The following GRM7 variants were observed in gnomAD, a reference collection of about 807,000 sequenced individuals.
The protein encoded by GRM7 is glutamate metabotropic receptor 7, also known as metabotropic glutamate receptor 7.
In GRM7, 35 loss-of-function variants were observed where a neutral mutation model predicts 84.5. The observed-to-expected ratio is 0.41, with a 90% confidence interval of 0.32 to 0.55. The LOEUF (loss-of-function observed/expected upper bound fraction) is 0.55. GRM7 is among the 20% of genes least tolerant of loss of function. The pLI, the probability that GRM7 is intolerant of heterozygous loss-of-function variation, is 0.19. For synonymous variants in GRM7, 487 were observed against 455.1 expected (o/e 1.07, Z -0.89); for missense variants, 1,003 against 1,194.6 (o/e 0.84, Z 2.36).
chr3:7,449,995 A>G (rs1012364699), intron 5 of GRM7, among the ~76,000 whole-genome samples: 3 of 152,144 alleles, frequency 2.0e-5, no homozygotes, highest in Non-Finnish European at 4.4e-5. Flanking sequence ...TATTTGGAAA[A>G]AGATACCTAA....
chr3:7,074,353 C>T (rs1374784370), intron 1 of GRM7, among the ~76,000 whole-genome samples: 1 of 152,054 alleles, frequency 6.6e-6, no homozygotes, highest in Non-Finnish European at 1.5e-5. Context: ...ATGTGGCAAG[C>T]TTACCAACAG....
intron 7 of GRM7, among the ~76,000 whole-genome samples, chr3:7,488,437 G>C (rs1382337383): frequency 6.6e-6 from 1 of 152,162 alleles, no homozygotes; most frequent in Non-Finnish European, 1.5e-5. Context: ...AAAGACGTTT[G>C]AGTCATGAGG....
chr3:7,633,062 T>C (rs1030667866), intron 8 of GRM7, among the ~76,000 whole-genome samples: 3 of 152,372 alleles, frequency 2.0e-5, no homozygotes, highest in South Asian at 2.1e-4. Context: ...CTGAAGAAGG[T>C]ACATATTTGG....
chr3:7,731,496 A>T (rs1372425395), intron 9 of GRM7, among the ~76,000 whole-genome samples: 1 of 152,206 alleles, frequency 6.6e-6, no homozygotes, highest in Non-Finnish European at 1.5e-5. Flanking sequence ...CTTTCCCTTA[A>T]TTATTGCTGG....
At chr3:7,206,760 T>C (rs1473769734) in intron 2 of GRM7, among the ~76,000 whole-genome samples, 1 of 152,184 alleles carries the variant, frequency 6.6e-6, no homozygotes, top group Non-Finnish European at 1.5e-5. Flanking sequence ...GTGACTATAA[T>C]TGGTCTTAAG....
At chr3:6,876,348 T>G (rs1020501653) in intron 1 of GRM7, among the ~76,000 whole-genome samples, 1 of 152,074 alleles carries the variant, frequency 6.6e-6, no homozygotes, top group Non-Finnish European at 1.5e-5. Context: ...GTTTGTTTGC[T>G]TCTCCCCAGT....
intron 7 of GRM7, among the ~76,000 whole-genome samples, chr3:7,548,900 C>A (rs1693302833): frequency 6.6e-6 from 1 of 152,188 alleles, no homozygotes; most frequent in Non-Finnish European, 1.5e-5. Context: ...AAAATCAGGA[C>A]ACTTTTCACA....
chr3:7,162,921 G>C (rs1694680129), intron 2 of GRM7, among the ~76,000 whole-genome samples: 1 of 151,312 alleles, frequency 6.6e-6, no homozygotes. Flanking sequence ...CACAGTACCA[G>C]GCTAATTTTT....
chr3:7,501,941 C>A (rs1234847037), intron 7 of GRM7, among the ~76,000 whole-genome samples: 2 of 152,176 alleles, frequency 1.3e-5, no homozygotes, highest in African/African-American at 4.8e-5. Context: ...TTCTATCCTA[C>A]GCAAGAATTT....
chr3:7,437,125 G>A (rs1200579079), intron 5 of GRM7, among the ~76,000 whole-genome samples: 1 of 152,060 alleles, frequency 6.6e-6, no homozygotes, highest in Non-Finnish European at 1.5e-5. Flanking sequence ...GCTGATAAGT[G>A]GCAGAACCAA....
At chr3:7,554,396 C>T (rs963445387) in intron 7 of GRM7, among the ~76,000 whole-genome samples, 2 of 152,110 alleles carry the variant, frequency 1.3e-5, no homozygotes, top group Admixed American at 6.5e-5. Flanking sequence ...TCTTGCTAGT[C>T]GCTTGCTATG....
At chr3:7,654,378 C>CTA (rs1699088245) in intron 8 of GRM7, among the ~76,000 whole-genome samples, 1 of 152,110 alleles carries the variant, frequency 6.6e-6, no homozygotes, top group African/African-American at 2.4e-5. Context: ...AGCCCCTGTG[C>CTA]TATCTCTATA....
At chr3:7,275,315 G>A (rs1177930761) in intron 2 of GRM7, among the ~76,000 whole-genome samples, 2 of 152,102 alleles carry the variant, frequency 1.3e-5, no homozygotes, top group African/African-American at 4.8e-5. Context: ...TTCAGACTGT[G>A]TTTTCTGCTT....
rs1553582203 is a variant in GRM7 at position 7,403,733 on chromosome 3, C to CTGTATATA, written c.1034-11287_1034-11286insATATATGT. 2.3e-3 allele frequency among the ~76,000 whole-genome samples: 337 copies of CTGTATATA among 146,140 alleles called. 1 individual carries two copies. The highest frequency in any genetic ancestry group is 7.9e-3 in the African/African-American group (316 of 40,062). ...CAAAAGAATGTATAGATGAGAATAT[C>CTGTATATA]TGTGTATATATGTGAATATATTTGT... On this transcript the variant is annotated intron_variant, in intron 4 of 9. Transcript: ENST00000357716.
At chr3:7,443,020 AT>A (rs998246909) in intron 5 of GRM7, among the ~76,000 whole-genome samples, 1 of 138,856 alleles carries the variant, frequency 7.2e-6, no homozygotes, top group African/African-American at 2.7e-5. Context: ...TATTTTCCTC[AT>A]TTTCTTTTCC....
chr3:6,966,299 C>T (rs17751277), intron 1 of GRM7, among the ~76,000 whole-genome samples: 9,170 of 152,220 alleles, frequency 0.06, 538 homozygotes, highest in African/African-American at 0.14. Flanking sequence ...TACTCCTTCA[C>T]ATTTGGTTGT....
intron 4 of GRM7, among the ~76,000 whole-genome samples, chr3:7,413,823 G>C (rs997548349): frequency 3.3e-5 from 5 of 152,122 alleles, no homozygotes; most frequent in Non-Finnish European, 7.4e-5. Context: ...AAGACAATCT[G>C]CTAGGGAACT....
chr3:7,211,759 G>A (rs1344493573), intron 2 of GRM7, among the ~76,000 whole-genome samples: 1 of 151,800 alleles, frequency 6.6e-6, no homozygotes, highest in Non-Finnish European at 1.5e-5. Context: ...TTGCACTTTA[G>A]GGTTCACATC....
At chr3:7,347,016 G>T (rs1056113919) in intron 4 of GRM7, among the ~76,000 whole-genome samples, 1 of 152,134 alleles carries the variant, frequency 6.6e-6, no homozygotes, top group African/African-American at 2.4e-5. Flanking sequence ...TGGTTATGGA[G>T]TGAAAACACT....
Sources: allele counts gnomAD v4.1 joint callset (sites outside exome capture counted in the v4.1 genomes callset), GRCh38; gene constraint gnomAD v4.1.1; transcripts MANE v1.5; gene names NCBI Gene and HGNC (gene_info 2026-07-23, HGNC 2026-07-21).